PLCB1: variants seen among roughly 807,000 people sequenced by gnomAD.
PLCB1 encodes phospholipase C beta 1.
A neutral mutation model predicts 161.8 loss-of-function variants in PLCB1; 46 were observed. That is an observed-to-expected ratio of 0.28 (90% CI 0.22 to 0.36). PLCB1 has a LOEUF of 0.36. Among genes scored for constraint, PLCB1 ranks in the 10% least tolerant of loss-of-function variants. The pLI is 1.00. For missense variants in PLCB1, 1,016 were observed against 1,472.5 expected (o/e 0.69, Z 5.07); for synonymous variants, 517 against 503.7 (o/e 1.03, Z -0.35).
At chr20:8,781,490 T>A (rs1451667130) in intron 27 of PLCB1, among the ~76,000 whole-genome samples, 2 of 152,036 alleles carry the variant, frequency 1.3e-5, no homozygotes, top group Non-Finnish European at 2.9e-5. Flanking sequence ...TTCTTTTACT[T>A]AGCATTATGC....
chr20:8,733,121 C>G (rs1187161331), intron 18 of PLCB1, 117 bp from the exon 19 acceptor site: 2 of 1,000,158 alleles, frequency 2.0e-6, no homozygotes, highest in Non-Finnish European at 3.0e-6. Context: ...TACAATGACT[C>G]TCTTCCAAGG....
chr20:8,194,863 A>G (rs1190769295), intron 2 of PLCB1, among the ~76,000 whole-genome samples: 2 of 152,110 alleles, frequency 1.3e-5, no homozygotes, highest in African/African-American at 2.4e-5. Flanking sequence ...CATTAGTGGT[A>G]GCACAAGTCC....
chr20:8,790,934 T>A (rs1036289257), intron 31 of PLCB1, among the ~76,000 whole-genome samples: 11 of 152,186 alleles, frequency 7.2e-5, no homozygotes, highest in Admixed American at 2.0e-4. Flanking sequence ...GTTTTCTGTT[T>A]GTGGAAATTG....
At chr20:8,456,794 T>C (rs1019258386) in intron 3 of PLCB1, among the ~76,000 whole-genome samples, 1 of 152,168 alleles carries the variant, frequency 6.6e-6, no homozygotes, top group East Asian at 1.9e-4. Context: ...ACCTCACAGA[T>C]AGCCTTCTTC....
chr20:8,476,725 G>A (rs1280905226), intron 3 of PLCB1, among the ~76,000 whole-genome samples: 1 of 152,124 alleles, frequency 6.6e-6, no homozygotes, highest in African/African-American at 2.4e-5. Flanking sequence ...CTTAGAGAAG[G>A]TGGATACAGC....
intron 31 of PLCB1, among the ~76,000 whole-genome samples, chr20:8,801,141 ACT>A (rs1334887200): frequency 1.3e-5 from 2 of 151,594 alleles, no homozygotes; most frequent in Admixed American, 6.6e-5. Flanking sequence ...TCCTTGATAT[ACT>A]CTCTGCTCAG....
chr20:8,732,843 ATAATTATAT>A (rs1176146617), intron 18 of PLCB1, among the ~76,000 whole-genome samples: 3 of 123,170 alleles, frequency 2.4e-5, no homozygotes, highest in Non-Finnish European at 5.2e-5. Context: ...ATATTTATAT[ATAATTATAT>A]ATTATATATT....
At chr20:8,197,763 G>T (rs1188641191) in intron 2 of PLCB1, among the ~76,000 whole-genome samples, 1 of 152,090 alleles carries the variant, frequency 6.6e-6, no homozygotes, top group African/African-American at 2.4e-5. Context: ...GTATTGCCTA[G>T]GTTTTCTTCT....
At position 8,143,896 on chromosome 20, in the gene PLCB1, G is replaced by GT. The variant is rs1236327586; in HGVS notation, c.100-6392dup. Reference sequence around the variant, plus strand: ...GCACCATTGACATTTGGTCCCAGTAGTTTTTTGTTGTGGAGTCTGGCCTGT... The same window carrying GT: ...GCACCATTGACATTTGGTCCCAGTAGTTTTTTTGTTGTGGAGTCTGGCCTGT... On this transcript the variant is annotated intron_variant, in intron 1 of 31. Transcript: ENST00000338037. Among the ~76,000 whole-genome samples, 4 of 152,296 alleles carry GT rather than the reference G, an allele frequency of 2.6e-5. No individual in the cohort carries two copies. The East Asian group carries it at 5.8e-4, about 22-fold the overall frequency.
At chr20:8,643,808 C>CTCTCCCTCTCCCCACGGTCTCCT (rs1989040574) in intron 4 of PLCB1, among the ~76,000 whole-genome samples, 1 of 96,588 alleles carries the variant, frequency 1.0e-5, no homozygotes, top group Non-Finnish European at 2.4e-5. Flanking sequence ...CATGGTCTCC[C>CTCTCCCTCTCCCCACGGTCTCCT]TCTCCCTCTC....
At chr20:8,417,050 C>CAT (rs1568667912) in intron 3 of PLCB1, among the ~76,000 whole-genome samples, 21 of 54,340 alleles carry the variant, frequency 3.9e-4, no homozygotes, top group African/African-American at 8.3e-4. Context: ...CACACACACA[C>CAT]ACACATATAT....
At chr20:8,392,750 G>T (rs996257572) in intron 3 of PLCB1, among the ~76,000 whole-genome samples, 2 of 152,112 alleles carry the variant, frequency 1.3e-5, no homozygotes, top group Non-Finnish European at 2.9e-5. Flanking sequence ...AGAAATTTGT[G>T]TTTTGTCTTC....
chr20:8,387,970 C>CT (rs35435405), intron 3 of PLCB1, among the ~76,000 whole-genome samples: 17,719 of 132,972 alleles, frequency 0.13, 1,312 homozygotes, highest in Non-Finnish European at 0.17. Flanking sequence ...TGTTTTACCA[C>CT]TTTTTTTAAA....
At chr20:8,255,698 A>G (rs1217466363) in intron 2 of PLCB1, among the ~76,000 whole-genome samples, 1 of 151,990 alleles carries the variant, frequency 6.6e-6, no homozygotes, top group Non-Finnish European at 1.5e-5. Flanking sequence ...AAATAAATTA[A>G]GCTTATATAA....
At position 8,356,196 on chromosome 20, in the gene PLCB1, G is replaced by GA. The variant is rs1986356867; in HGVS notation, c.178-15185dup. On this transcript the variant is annotated intron_variant, in intron 2 of 31. Coordinates refer to ENST00000338037, the MANE Select transcript of PLCB1 (RefSeq NM_015192.4). ...CTTCTGAGTGCTTTAAAGTAAACTT[G>GA]AGTGTTTATAAGTAAGGGAATTATT... Among the ~76,000 whole-genome samples, 4 of 152,188 alleles carry GA rather than the reference G, an allele frequency of 2.6e-5. No homozygotes were observed. In the South Asian group the frequency reaches 8.3e-4, roughly 32 times the overall value.
At chr20:8,359,981 G>T (rs1426517068) in intron 2 of PLCB1, among the ~76,000 whole-genome samples, 1 of 152,208 alleles carries the variant, frequency 6.6e-6, no homozygotes, top group East Asian at 1.9e-4. Flanking sequence ...CAGATGCAAG[G>T]GGTTGTATAC....
chr20:8,706,432 C>T (rs1978678882), intron 11 of PLCB1, among the ~76,000 whole-genome samples: 1 of 152,160 alleles, frequency 6.6e-6, no homozygotes, highest in South Asian at 2.1e-4. Flanking sequence ...AGTGGAGGTG[C>T]TGACACTTGA....
At chr20:8,500,133 C>A (rs909310839) in intron 3 of PLCB1, among the ~76,000 whole-genome samples, 2 of 152,038 alleles carry the variant, frequency 1.3e-5, no homozygotes, top group African/African-American at 4.8e-5. Context: ...ATTTGTTTAG[C>A]AGATTATTAA....
chr20:8,322,474 A>T (rs2662998), intron 2 of PLCB1, among the ~76,000 whole-genome samples: 3,828 of 152,076 alleles, frequency 0.025, 69 homozygotes, highest in African/African-American at 0.051. Flanking sequence ...TAAAATTTTT[A>T]AAAAAAATCA....
Sources: allele counts gnomAD v4.1 joint callset (sites outside exome capture counted in the v4.1 genomes callset), GRCh38; gene constraint gnomAD v4.1.1; transcripts MANE v1.5; gene names NCBI Gene and HGNC (gene_info 2026-07-23, HGNC 2026-07-21).